Variants in FRYL observed in about 807,000 individuals in gnomAD.
FRYL encodes the protein FRY like transcription coactivator, also known as protein furry homolog-like.
In FRYL, 150 loss-of-function variants were observed where a neutral mutation model predicts 351.2. The observed-to-expected ratio is 0.43, with a 90% CI of 0.37 to 0.49. FRYL has a LOEUF of 0.49. Among genes scored for constraint, FRYL ranks in the 20% least tolerant of loss-of-function variants. The pLI is 0.00. For synonymous variants in FRYL, 1,153 were observed against 1,257.1 expected (o/e 0.92, Z 1.75); for missense variants, 3,036 against 3,619.3 (o/e 0.84, Z 4.13).
At chr4:48,558,181 A>AG (rs1734570011) in intron 33 of FRYL, among the ~76,000 whole-genome samples, 1 of 152,252 alleles carries the variant, frequency 6.6e-6, no homozygotes, top group Non-Finnish European at 1.5e-5. Context: ...GTCCATTGAC[A>AG]GATGAATGAA....
chr4:48,678,718 CAAGAGTTATT>C (rs950419023), intron 3 of FRYL, among the ~76,000 whole-genome samples: 6 of 151,852 alleles, frequency 4.0e-5, no homozygotes, highest in Admixed American at 3.3e-4. Flanking sequence ...AAAAATCATG[CAAGAGTTATT>C]CCACAAAGAA....
intron 53 of FRYL, among the ~76,000 whole-genome samples, chr4:48,527,259 A>C (rs1343018976): frequency 6.6e-6 from 1 of 152,120 alleles, no homozygotes; most frequent in Non-Finnish European, 1.5e-5. Flanking sequence ...CCATTTTTTA[A>C]TTTTATATTT....
chr4:48,516,785 C>G (rs1169336235), intron 55 of FRYL, among the ~76,000 whole-genome samples: 1 of 152,048 alleles, frequency 6.6e-6, no homozygotes. Context: ...ATAACATATA[C>G]CAGAGTATGG....
chr4:48,501,574 A>G (rs1415277283), intron 62 of FRYL, 49 bp downstream of exon 62: 1 of 1,034,912 alleles, frequency 9.7e-7, no homozygotes. Context: ...TTTTATTTTA[A>G]AATTTTTTTA....
At chr4:48,774,505 T>A (rs1240284612) in intron 1 of FRYL, among the ~76,000 whole-genome samples, 1 of 152,102 alleles carries the variant, frequency 6.6e-6, no homozygotes, top group African/African-American at 2.4e-5. Context: ...ATCTATTTTG[T>A]CAAAGTTAAA....
chr4:48,610,477 T>TA (rs1188113271), intron 7 of FRYL, among the ~76,000 whole-genome samples: 1 of 151,654 alleles, frequency 6.6e-6, no homozygotes, highest in African/African-American at 2.4e-5. Context: ...GTGCATTCCT[T>TA]AGTTTTACTT....
chr4:48,504,888 A>G (rs1720570289), intron 60 of FRYL, among the ~76,000 whole-genome samples: 1 of 152,130 alleles, frequency 6.6e-6, no homozygotes, highest in South Asian at 2.1e-4. Flanking sequence ...GACACTAGAA[A>G]TCTGTAATAA....
intron 35 of FRYL, among the ~76,000 whole-genome samples, chr4:48,556,357 C>T (rs2149024072): frequency 6.6e-6 from 1 of 152,304 alleles, no homozygotes; most frequent in East Asian, 1.9e-4. Flanking sequence ...CAAATGTGTC[C>T]TCTTGACTTG....
At chr4:48,569,882 G>A (rs1474731172) in intron 27 of FRYL, among the ~76,000 whole-genome samples, 1 of 152,116 alleles carries the variant, frequency 6.6e-6, no homozygotes, top group Non-Finnish European at 1.5e-5. Context: ...GCATGGTCAA[G>A]GCTCACTGTA....
At chr4:48,552,180 C>T (rs1456085235) in intron 36 of FRYL, among the ~76,000 whole-genome samples, 10 of 152,120 alleles carry the variant, frequency 6.6e-5, no homozygotes, top group African/African-American at 2.2e-4. Flanking sequence ...TCTTACCCCA[C>T]TGGGCTTCCA....
chr4:48,542,167 A>G (rs758776490), intron 44 of FRYL, 46 bp from the exon 45 acceptor site: 1 of 1,300,058 alleles, frequency 7.7e-7, no homozygotes, highest in Non-Finnish European at 1.1e-6. Flanking sequence ...TCTGGAATAA[A>G]GAAACTGCAA....
chr4:48,701,621 G>A (rs1450954829), intron 2 of FRYL, among the ~76,000 whole-genome samples: 1 of 152,172 alleles, frequency 6.6e-6, no homozygotes, highest in Non-Finnish European at 1.5e-5. Context: ...GCTGGCTGGC[G>A]CTGATCTATT....
At chr4:48,571,432 G>T (rs1175565139) in intron 26 of FRYL, among the ~76,000 whole-genome samples, 1 of 152,160 alleles carries the variant, frequency 6.6e-6, no homozygotes, top group Admixed American at 6.5e-5. Context: ...TAGGTCCAAA[G>T]AACTAGAATA....
rs749248923 is a variant in FRYL at position 48,623,188 on chromosome 4, A to T, written c.121-9T>A. 17 of 1,261,830 alleles carry T rather than the reference A, an allele frequency of 1.3e-5. No individual in the cohort carries two copies. The highest frequency in any genetic ancestry group is 7.7e-5 in the East Asian group (3 of 39,174). The allele number at this position is 1,261,830 out of a possible 1,614,324, so 78.2% of individuals were successfully genotyped here. On this transcript the variant is annotated splice_polypyrimidine_tract_variant and intron_variant, in intron 4 of 63. Coordinates refer to ENST00000358350, the MANE Select transcript of FRYL (RefSeq NM_015030.2). ...CTGGACAATAGCTTCTCCTATGATT[A>T]AAAAAAACAAACATTAAAAATAAAA...
Position 48,697,821 on chromosome 4 carries a change from G to C in FRYL, c.-204+12698C>G, listed in dbSNP as rs1283350967. Among the ~76,000 whole-genome samples the C allele has an allele frequency of 6.6e-5, 10 of 152,320 alleles. No homozygotes were observed. The East Asian group carries it at 1.9e-3, about 29-fold the overall frequency. ...AGTACTTAAAGAAAAAAATGAAATA[G>C]AGAATTTGCATTGGCAAAGAAGAAA... On this transcript the variant is annotated intron_variant, in intron 2 of 63. Coordinates refer to ENST00000358350, the MANE Select transcript of FRYL (RefSeq NM_015030.2).
In FRYL at chr4:48,542,126, G is replaced by C; in HGVS notation, c.5593-5C>G. The C allele has an allele frequency of 6.2e-7, 1 of 1,601,466 alleles. No homozygotes were observed. The highest frequency in any genetic ancestry group is 8.6e-7 in the Non-Finnish European group (1 of 1,168,932). The stretch of plus-strand genomic sequence containing the variant: ...AAGAAGCTCAATCACAAATCCCTGG[G>C]GGGAAAAAGGCAGATTTTAATTAAT... On this transcript the variant is annotated splice_region_variant and splice_polypyrimidine_tract_variant and intron_variant, in intron 44 of 63. Coordinates refer to ENST00000358350, the MANE Select transcript of FRYL (RefSeq NM_015030.2).
rs541218712 is a variant in FRYL, at chr4:48,521,728, C to T, written c.7522-513G>A. 3.0e-4 allele frequency among the ~76,000 whole-genome samples: 46 copies of T among 152,258 alleles called. 1 individual carries two copies. Among genetic ancestry groups the T allele is most frequent in the African/African-American group, 1.1e-3 (44 of 41,542 alleles). ...ACACCTTGAACAGGGCCGGGTGCATCGTAGACAGTCAGTAAGTGGTAACGT... is the reference window on the plus strand; with the variant it reads ...ACACCTTGAACAGGGCCGGGTGCATTGTAGACAGTCAGTAAGTGGTAACGT... On this transcript the variant is annotated intron_variant, in intron 54 of 63. Transcript: ENST00000358350.
rs1034131123 is a variant in FRYL, at chr4:48,498,002, C to T, written c.*1420G>A. On this transcript the variant is annotated 3_prime_UTR_variant, in exon 64 of 64. Transcript: ENST00000358350. ...AGAGCCCAGTTTAAAAGAAAAGTCA[C>T]AGTGGATAAGAGATGTATATAAAAA... is the stretch of plus-strand genomic sequence containing the variant. 1 of 152,086 alleles carries T rather than the reference C, an allele frequency of 6.6e-6. No individual in the cohort carries two copies. The highest frequency in any genetic ancestry group is 1.5e-5 in the Non-Finnish European group (1 of 67,930). 9.4% of individuals were successfully genotyped at this position (152,086 alleles called of 1,614,324 possible).
chr4:48,689,015 C>T (rs1278167186), intron 2 of FRYL, among the ~76,000 whole-genome samples: 2 of 152,142 alleles, frequency 1.3e-5, no homozygotes, highest in African/African-American at 2.4e-5. Flanking sequence ...AAACATACTA[C>T]ACTGACTAAT....
Sources: gnomAD v4.1 joint callset for allele counts (sites outside exome capture counted in the v4.1 genomes callset) on GRCh38, gnomAD v4.1.1 for gene constraint, MANE v1.5 for transcripts, NCBI Gene and HGNC (gene_info 2026-07-23, HGNC 2026-07-21) for gene names.